The following GTF3C3 variants were observed in gnomAD, a reference collection of about 807,000 sequenced individuals.
GTF3C3 encodes the protein general transcription factor IIIC subunit 3.
In GTF3C3, 75 loss-of-function variants were observed where a neutral mutation model predicts 105.2. That is an observed-to-expected ratio of 0.71 (90% CI 0.59 to 0.86). The LOEUF (loss-of-function observed/expected upper bound fraction) is 0.86, where lower values mean the gene tolerates loss of function less well. Among genes scored for constraint, GTF3C3 ranks in the 40% least tolerant of loss-of-function variants. GTF3C3 has a pLI of 0.00. For missense variants in GTF3C3, 856 were observed against 1,076.5 expected, an observed-to-expected ratio of 0.80 and a Z score of 2.87; for synonymous variants, 335 against 370.4, an observed-to-expected ratio of 0.90 and a Z score of 1.10.
intron 16 of GTF3C3, among the ~76,000 whole-genome samples, chr2:196,768,121 G>T (rs1291166794): frequency 6.6e-6 from 1 of 152,248 alleles, no homozygotes; most frequent in East Asian, 1.9e-4. Flanking sequence ...GGGTTCAAGC[G>T]ACTCTCCTGC....
intron 2 of GTF3C3, among the ~76,000 whole-genome samples, chr2:196,796,022 GT>G (rs1460532927): frequency 6.6e-6 from 1 of 152,210 alleles, no homozygotes; most frequent in Non-Finnish European, 1.5e-5. Flanking sequence ...TCTTCAGTGT[GT>G]AAGAACGGTG....
intron 4 of GTF3C3, among the ~76,000 whole-genome samples, chr2:196,791,087 A>G (rs943623511): frequency 6.6e-6 from 1 of 152,188 alleles, no homozygotes; most frequent in African/African-American, 2.4e-5. Context: ...CTGACAATTC[A>G]AAAGTCTAAA....
rs775182182 is a variant in GTF3C3, at chr2:196,771,785, G to T, written c.2223C>A (p.His741Gln). 6.2e-7 allele frequency: 1 copy of T among 1,613,350 alleles called. No individual in the cohort carries two copies. Among genetic ancestry groups the T allele is most frequent in the Admixed American group, 1.7e-5 (1 of 60,028 alleles). ...TAAAACTACCAGATACAAATGCATT[G>T]TGTCCATTTAAGACACATAGGGCAT... ...ENHALCVLNG[H>Q]NAFVSGSFKH... Residue 741 changes from histidine (H) to glutamine (Q), a missense_variant, in exon 15 of 18, where the codon CAC (histidine) becomes CAA (glutamine). By Grantham distance (24) the His-to-Gln change is conservative. Coordinates refer to ENST00000263956, the MANE Select transcript of GTF3C3 (RefSeq NM_012086.5).
intron 1 of GTF3C3, 151 bp downstream of exon 1, chr2:196,799,359 G>A (rs1016219734): frequency 4.7e-6 from 3 of 633,332 alleles, no homozygotes; most frequent in Admixed American, 5.3e-5. Flanking sequence ...AGGGATGAGG[G>A]GTGAAAACCG....
At chr2:196,773,436 C>G (rs753650817) in intron 13 of GTF3C3, among the ~76,000 whole-genome samples, 1 of 152,128 alleles carries the variant, frequency 6.6e-6, no homozygotes, top group Non-Finnish European at 1.5e-5. Flanking sequence ...TCCTTGCTAG[C>G]TAAGATATAT....
chr2:196,769,818 G>C, intron 16 of GTF3C3, 97 bp downstream of exon 16: 1 of 962,492 alleles, frequency 1.0e-6, no homozygotes, highest in East Asian at 2.6e-5. Flanking sequence ...TGAGAGCATT[G>C]TGTATTACTT....
chr2:196,764,657 C>CGTAA lies in GTF3C3; in HGVS notation c.2563_2566dup (p.Arg856LeufsTer38), dbSNP rs771232825. ...AGACAAGTTGTAGGCAATATCTCTT[C>CGTAA]GTAAGTCTAACTGGTCAAGTTCTAT... On this transcript the variant is annotated frameshift_variant, in exon 18 of 18. Transcript: ENST00000263956. LOFTEE classifies it high-confidence loss of function. 5 of 1,611,770 alleles carry CGTAA rather than the reference C, an allele frequency of 3.1e-6. No homozygotes were observed. The highest frequency in any genetic ancestry group is 2.5e-6 in the Non-Finnish European group (3 of 1,177,996).
chr2:196,792,815 C>A, intron 3 of GTF3C3, 141 bp downstream of exon 3: 1 of 652,726 alleles, frequency 1.5e-6, no homozygotes, highest in African/African-American at 1.8e-5. Flanking sequence ...TAATAGGAAA[C>A]ATAATAAACA....
chr2:196,778,858 T>C (rs1397451411), intron 10 of GTF3C3, 38 bp downstream of exon 10: 6 of 1,570,726 alleles, frequency 3.8e-6, no homozygotes, highest in Non-Finnish European at 5.3e-6. Flanking sequence ...TGGCTGCTTA[T>C]ATGATTAAAA....
Position 196,784,861 on chromosome 2 carries a change from ATTCTCTT to A in GTF3C3, c.1103_1109del (p.Glu368ValfsTer17). Reference sequence around the variant, plus strand: ...CTAAGCAGAGGAAACTACAACCTTTATTCTCTTCTGAGGTGCCTTCTTCTGAAGTTTT... The same window carrying A: ...CTAAGCAGAGGAAACTACAACCTTTACTGAGGTGCCTTCTTCTGAAGTTTT... On this transcript the variant is annotated frameshift_variant, in exon 8 of 18. Coordinates refer to ENST00000263956, the MANE Select transcript of GTF3C3 (RefSeq NM_012086.5). LOFTEE classifies it high-confidence loss of function. 1 of 1,610,170 alleles carries A rather than the reference ATTCTCTT, an allele frequency of 6.2e-7. No homozygotes were observed. The highest frequency in any genetic ancestry group is 8.5e-7 in the Non-Finnish European group (1 of 1,178,178).
At chr2:196,771,575 A>G (rs1203154922) in intron 15 of GTF3C3, among the ~76,000 whole-genome samples, 173 bp downstream of exon 15, 8 of 152,220 alleles carry the variant, frequency 5.3e-5, no homozygotes, top group African/African-American at 1.9e-4. Flanking sequence ...ACAATTATCT[A>G]CAAAGTAGGT....
At chr2:196,778,104 CTAAT>C (rs1386830747) in intron 10 of GTF3C3, 1 of 152,202 alleles carries the variant, frequency 6.6e-6, no homozygotes, top group Non-Finnish European at 1.5e-5. Context: ...CAATGCTTCT[CTAAT>C]TATAGAGTTC....
At chr2:196,784,303 A>G (rs1289300995) in intron 8 of GTF3C3, among the ~76,000 whole-genome samples, 1 of 152,108 alleles carries the variant, frequency 6.6e-6, no homozygotes, top group Non-Finnish European at 1.5e-5. Context: ...ATTTTGCTAC[A>G]ACTTGATGTA....
At chr2:196,778,019 TATCTTA>T (rs1319972489) in intron 10 of GTF3C3, 2 of 152,192 alleles carry the variant, frequency 1.3e-5, no homozygotes, top group African/African-American at 4.8e-5. Flanking sequence ...AGAAAAGTGT[TATCTTA>T]ATCATTAAGT....
At chr2:196,792,859 G>A (rs1699575386) in intron 3 of GTF3C3, 97 bp downstream of exon 3, 8 of 752,158 alleles carry the variant, frequency 1.1e-5, no homozygotes, top group South Asian at 3.2e-5. Flanking sequence ...ATTTCCTTTC[G>A]TACAGTTTGA....
In GTF3C3 at chr2:196,772,919, A is replaced by C; in HGVS notation, c.2066T>G (p.Ile689Ser). ...DKNFRKAYNY[I>S]RIMVMENVNK... ...AAATAAATAACTGGGAAATCACCTG[A>C]TATAGTTGTATGCCTTTCTGAAATT... Residue 689 changes from isoleucine (I) to serine (S), a missense_variant, in exon 14 of 18, where the codon ATC becomes AGC. Physicochemically the swap from Ile to Ser is moderately radical, Grantham distance 142. Coordinates refer to ENST00000263956, the MANE Select transcript of GTF3C3 (RefSeq NM_012086.5). 7.1e-7 allele frequency: 1 copy of C among 1,401,516 alleles called. No individual in the cohort carries two copies. The highest frequency in any genetic ancestry group is 9.9e-7 in the Non-Finnish European group (1 of 1,014,350). The allele number at this position is 1,401,516 out of a possible 1,614,324, so 86.8% of individuals were successfully genotyped here.
chr2:196,766,778 AC>A (rs1699076758), intron 16 of GTF3C3, 61 bp from the exon 17 acceptor site: 13 of 1,283,520 alleles, frequency 1.0e-5, no homozygotes, highest in Non-Finnish European at 1.4e-5. Flanking sequence ...GTACTAGACC[AC>A]TGTATTACCA....
intron 9 of GTF3C3, 54 bp downstream of exon 9, chr2:196,780,503 GAA>G (rs757417151): frequency 6.4e-7 from 1 of 1,573,038 alleles, no homozygotes; most frequent in Non-Finnish European, 8.7e-7. Flanking sequence ...GACATCTAAA[GAA>G]AAGAGATGGT....
At chr2:196,778,702 T>C (rs1201824949) in intron 10 of GTF3C3, 194 bp downstream of exon 10, 2 of 592,460 alleles carry the variant, frequency 3.4e-6, no homozygotes, top group African/African-American at 3.7e-5. Flanking sequence ...CATCATTAAG[T>C]AAATCATTCC....
Sources: gnomAD v4.1 joint callset for allele counts (sites outside exome capture counted in the v4.1 genomes callset) on GRCh38, gnomAD v4.1.1 for gene constraint, MANE v1.5 for transcripts, NCBI Gene and HGNC (gene_info 2026-07-23, HGNC 2026-07-21) for gene names.